ZNF385D: variants seen among roughly 807,000 people sequenced by gnomAD.
The protein encoded by ZNF385D is zinc finger protein 659.
ZNF385D carries 15 observed loss-of-function variants against 35.8 expected under a neutral mutation model. The ratio of observed to expected loss-of-function variants is 0.42; its 90% CI spans 0.28 to 0.64. The LOEUF (loss-of-function observed/expected upper bound fraction) is 0.64. Ranked by LOEUF, ZNF385D falls within the 30% of genes least tolerant of loss-of-function variation. ZNF385D has a pLI of 0.23. For synonymous variants in ZNF385D, 212 were observed against 186.8 expected (o/e 1.13, Z -1.10); for missense variants, 474 against 494.6 (o/e 0.96, Z 0.39).
chr3:21,870,230 T>C (rs1159319426), intron 3 of ZNF385D, among the ~76,000 whole-genome samples: 3 of 152,198 alleles, frequency 2.0e-5, no homozygotes, highest in Admixed American at 2.0e-4. Flanking sequence ...GGCTTGACTG[T>C]TTTAACCTGT....
intron 3 of ZNF385D, among the ~76,000 whole-genome samples, chr3:21,924,386 G>C (rs138734348): frequency 1.9e-3 from 296 of 152,236 alleles, no homozygotes; most frequent in African/African-American, 6.8e-3. Flanking sequence ...AGACATCAAA[G>C]AGTGCAGATG....
chr3:22,139,884 A>G (rs1704393907), intron 3 of ZNF385D, among the ~76,000 whole-genome samples: 1 of 152,132 alleles, frequency 6.6e-6, no homozygotes, highest in African/African-American at 2.4e-5. Flanking sequence ...AAAGCGTGAA[A>G]TAAAAGATAG....
chr3:21,752,061 T>C (rs1201417912), upstream of ZNF385D, among the ~76,000 whole-genome samples: 2 of 119,304 alleles, frequency 1.7e-5, no homozygotes, highest in African/African-American at 6.5e-5. Flanking sequence ...AAATTTGAGA[T>C]GAACGGTCAA....
intron 4 of ZNF385D, among the ~76,000 whole-genome samples, chr3:21,473,238 G>T (rs1230516439): frequency 6.6e-6 from 1 of 151,930 alleles, no homozygotes; most frequent in East Asian, 1.9e-4. Context: ...TGAAGGTCAT[G>T]GTCTCCTTTT....
At chr3:21,832,187 CTTAT>C (rs376036843) in intron 3 of ZNF385D, among the ~76,000 whole-genome samples, 5 of 151,954 alleles carry the variant, frequency 3.3e-5, no homozygotes, top group African/African-American at 7.2e-5. Flanking sequence ...AACTGTGTGC[CTTAT>C]TTGTTTTTCT....
intron 2 of ZNF385D, among the ~76,000 whole-genome samples, chr3:22,197,399 C>A (rs1283061369): frequency 6.6e-6 from 1 of 151,964 alleles, no homozygotes; most frequent in African/African-American, 2.4e-5. Flanking sequence ...TGATTTGTTC[C>A]AGATATTTTA....
intron 2 of ZNF385D, among the ~76,000 whole-genome samples, chr3:21,627,260 TGTG>T (rs1559471158): frequency 6.8e-6 from 1 of 146,622 alleles, no homozygotes; most frequent in Non-Finnish European, 1.5e-5. Flanking sequence ...TGTGTGTGTG[TGTG>T]TGTGTGTGTG....
chr3:22,337,192 C>T (rs1695210492), intron 2 of ZNF385D, among the ~76,000 whole-genome samples: 1 of 151,524 alleles, frequency 6.6e-6, no homozygotes, highest in South Asian at 2.1e-4. Flanking sequence ...ATGTGCTATG[C>T]TCATTATAAG....
chr3:22,264,193 T>C (rs191565790), intron 2 of ZNF385D, among the ~76,000 whole-genome samples: 1 of 151,948 alleles, frequency 6.6e-6, no homozygotes. Context: ...TGGCAGAAAT[T>C]CAGTAAGTAT....
chr3:21,908,931 A>G (rs1415848415), intron 3 of ZNF385D, among the ~76,000 whole-genome samples: 3 of 152,090 alleles, frequency 2.0e-5, no homozygotes, highest in African/African-American at 4.8e-5. Flanking sequence ...TGTTAGCTCT[A>G]TTTTACCTAG....
intron 3 of ZNF385D, among the ~76,000 whole-genome samples, chr3:21,821,417 T>G (rs1181195260): frequency 6.6e-6 from 1 of 152,156 alleles, no homozygotes; most frequent in Non-Finnish European, 1.5e-5. Context: ...CTAATAAAAG[T>G]TTAAGAGAAT....
chr3:21,763,001 A>G (rs753283146), intron 3 of ZNF385D, among the ~76,000 whole-genome samples: 2 of 152,142 alleles, frequency 1.3e-5, no homozygotes, highest in Non-Finnish European at 2.9e-5. Context: ...TGTCTGTGAC[A>G]CTGTCATTGA....
rs144521609 is a variant in ZNF385D at position 21,615,793 on chromosome 3, A to AGTGTGTGTGTGTGTGTGTGTGTGTGTGT, written c.165+49092_165+49093insACACACACACACACACACACACACACAC. Among the ~76,000 whole-genome samples, 17 of 145,238 alleles carry AGTGTGTGTGTGTGTGTGTGTGTGTGTGT rather than the reference A, an allele frequency of 1.2e-4. 1 individual carries two copies. Among genetic ancestry groups the AGTGTGTGTGTGTGTGTGTGTGTGTGTGT allele is most frequent in the African/African-American group, 3.9e-4 (15 of 38,716 alleles). ...ATGACTGCAAAGAAAATGGAGAAAG[A>AGTGTGTGTGTGTGTGTGTGTGTGTGTGT]GTGTGTGTGTGTGTGTGTGTGTGTT... On this transcript the variant is annotated intron_variant, in intron 2 of 7. Transcript: ENST00000281523.
chr3:22,342,538 G>A (rs947857530), intron 2 of ZNF385D, among the ~76,000 whole-genome samples: 1 of 151,838 alleles, frequency 6.6e-6, no homozygotes, highest in African/African-American at 2.4e-5. Context: ...CATAATCTCT[G>A]CAATACTTTA....
At chr3:21,687,094 G>A (rs1391556067) in intron 1 of ZNF385D, among the ~76,000 whole-genome samples, 6 of 152,284 alleles carry the variant, frequency 3.9e-5, no homozygotes, top group South Asian at 2.1e-4. Context: ...GAGAACAATA[G>A]GTAAGGAAGC....
At chr3:22,159,507 C>CA (rs1705807157) in intron 3 of ZNF385D, among the ~76,000 whole-genome samples, 1 of 151,964 alleles carries the variant, frequency 6.6e-6, no homozygotes, top group Non-Finnish European at 1.5e-5. Context: ...CAGGGTTTCT[C>CA]AGGGACAGAG....
chr3:21,706,908 G>A (rs556036624), intron 1 of ZNF385D, among the ~76,000 whole-genome samples: 1 of 152,254 alleles, frequency 6.6e-6, no homozygotes, highest in South Asian at 2.1e-4. Context: ...TTTAGGAAAA[G>A]GACAGATTAT....
intron 3 of ZNF385D, among the ~76,000 whole-genome samples, chr3:22,103,666 G>C (rs181185631): frequency 2.0e-4 from 29 of 141,644 alleles, no homozygotes; most frequent in Non-Finnish European, 3.9e-4. Flanking sequence ...CCACATTTGG[G>C]TTAGTGCTTG....
intron 3 of ZNF385D, among the ~76,000 whole-genome samples, chr3:22,134,900 C>A (rs2125692976): frequency 6.6e-6 from 1 of 152,276 alleles, no homozygotes; most frequent in East Asian, 1.9e-4. Flanking sequence ...GCCTAGTCAC[C>A]TCTCATTAGG....
Sources: gnomAD v4.1 joint callset for allele counts (sites outside exome capture counted in the v4.1 genomes callset) on GRCh38, gnomAD v4.1.1 for gene constraint, MANE v1.5 for transcripts, NCBI Gene and HGNC (gene_info 2026-07-23, HGNC 2026-07-21) for gene names.